RBFOX1: variants seen among roughly 807,000 people sequenced by gnomAD.
The protein encoded by RBFOX1 is RNA binding protein fox-1 homolog 1.
Under a neutral mutation model 57.7 loss-of-function variants are expected in RBFOX1, and 8 were observed. The ratio of observed to expected loss-of-function variants is 0.14; its 90% CI spans 0.08 to 0.25. RBFOX1 has a LOEUF of 0.25. Ranked by LOEUF, RBFOX1 falls within the 10% of genes least tolerant of loss-of-function variation. The probability of loss-of-function intolerance (pLI) is 1.00; values close to 1 mark genes in which losing one functional copy is unlikely to be tolerated. For synonymous variants in RBFOX1, 326 were observed against 222.4 expected (o/e 1.47, Z -4.15); for missense variants, 611 against 548.5 (o/e 1.11, Z -1.14).
chr16:6,852,159 T>G (rs2094107240), intron 3 of RBFOX1, among the ~76,000 whole-genome samples: 1 of 152,122 alleles, frequency 6.6e-6, no homozygotes, highest in Non-Finnish European at 1.5e-5. Context: ...ATGTCTGAAA[T>G]CAGTGTCACT....
At chr16:6,718,335 C>G (rs1214484572) in intron 3 of RBFOX1, among the ~76,000 whole-genome samples, 1 of 152,222 alleles carries the variant, frequency 6.6e-6, no homozygotes, top group Middle Eastern at 3.4e-3. Flanking sequence ...TACACTACAA[C>G]TTGTATATTT....
chr16:6,915,191 C>T (rs1231939057), intron 3 of RBFOX1, among the ~76,000 whole-genome samples: 1 of 152,166 alleles, frequency 6.6e-6, no homozygotes, highest in Non-Finnish European at 1.5e-5. Flanking sequence ...TTTCCCCAGG[C>T]TCCCGGAGAC....
At chr16:5,754,090 G>C (rs1056617522) in intron 3 of RBFOX1, among the ~76,000 whole-genome samples, 2 of 152,174 alleles carry the variant, frequency 1.3e-5, no homozygotes, top group East Asian at 1.9e-4. Context: ...CACTTTGTGG[G>C]AATATTAGGG....
In RBFOX1 at chr16:6,252,508, G is replaced by A. The variant is rs2097624604; in HGVS notation, c.-126-64487G>A. 3.3e-5 allele frequency among the ~76,000 whole-genome samples: 5 copies of A among 151,368 alleles called. No homozygotes were observed. In the South Asian group the frequency reaches 1.0e-3, roughly 32 times the overall value. On this transcript the variant is annotated intron_variant, in intron 1 of 15. Coordinates refer to ENST00000550418, the MANE Select transcript of RBFOX1 (RefSeq NM_018723.4). ...TGGAGATCTGTTCAGTTCTGTAATT[G>A]AGTTGGGAAGTCGACCCGAAGGAAT...
intron 2 of RBFOX1, among the ~76,000 whole-genome samples, chr16:6,393,736 C>G (rs935878074): frequency 6.6e-6 from 1 of 152,162 alleles, no homozygotes; most frequent in Non-Finnish European, 1.5e-5. Flanking sequence ...TAAGGAAAGG[C>G]AAGGCTGTGT....
At chr16:6,083,100 C>G (rs1479918528) in intron 1 of RBFOX1, among the ~76,000 whole-genome samples, 1 of 152,042 alleles carries the variant, frequency 6.6e-6, no homozygotes, top group Non-Finnish European at 1.5e-5. Context: ...CTCCCAGGTT[C>G]AAGCGATTCT....
chr16:6,094,329 A>G (rs1037020735), intron 1 of RBFOX1, among the ~76,000 whole-genome samples: 2 of 152,206 alleles, frequency 1.3e-5, no homozygotes, highest in African/African-American at 2.4e-5. Flanking sequence ...TCTATCAACT[A>G]TTCCATTTCT....
chr16:7,252,933 C>T (rs1328371003), intron 4 of RBFOX1, among the ~76,000 whole-genome samples: 2 of 152,112 alleles, frequency 1.3e-5, no homozygotes, highest in African/African-American at 2.4e-5. Flanking sequence ...TGTGTGTAAT[C>T]ACACACATTT....
intron 14 of RBFOX1, among the ~76,000 whole-genome samples, chr16:7,697,797 TCTTGCTC>T (rs2079265600): frequency 6.6e-6 from 1 of 152,210 alleles, no homozygotes; most frequent in Non-Finnish European, 1.5e-5. Flanking sequence ...CAGTATGCTA[TCTTGCTC>T]CTATGAAACT....
intron 2 of RBFOX1, among the ~76,000 whole-genome samples, chr16:6,337,436 G>T (rs2083921526): frequency 6.6e-6 from 1 of 152,204 alleles, no homozygotes; most frequent in Non-Finnish European, 1.5e-5. Context: ...TCAGATATTT[G>T]CAGGTGAAAG....
At chr16:5,316,751 C>T (rs2064249830) in intron 1 of RBFOX1, among the ~76,000 whole-genome samples, 1 of 152,204 alleles carries the variant, frequency 6.6e-6, no homozygotes, top group African/African-American at 2.4e-5. Flanking sequence ...CATCTCTCTT[C>T]TGCTGAAAGG....
At chr16:6,941,277 C>G (rs1347073717) in intron 3 of RBFOX1, among the ~76,000 whole-genome samples, 5 of 104,186 alleles carry the variant, frequency 4.8e-5, no homozygotes, top group Admixed American at 1.0e-4. Flanking sequence ...CTCTCTCCCT[C>G]CCTTCCCTCC....
At chr16:6,175,954 C>A (rs1402045491) in intron 1 of RBFOX1, among the ~76,000 whole-genome samples, 1 of 152,120 alleles carries the variant, frequency 6.6e-6, no homozygotes, top group Non-Finnish European at 1.5e-5. Context: ...ACTCCACCCC[C>A]AGATATGTTA....
chr16:6,448,379 G>C (rs1380720749), intron 2 of RBFOX1, among the ~76,000 whole-genome samples: 1 of 151,742 alleles, frequency 6.6e-6, no homozygotes, highest in Non-Finnish European at 1.5e-5. Context: ...GGCTGGTCTT[G>C]AACTCGTGAC....
At chr16:5,783,028 C>G (rs971973004) in intron 3 of RBFOX1, among the ~76,000 whole-genome samples, 1 of 152,162 alleles carries the variant, frequency 6.6e-6, no homozygotes, top group African/African-American at 2.4e-5. Context: ...CCCCCAAACA[C>G]CCTCATGGAC....
intron 3 of RBFOX1, among the ~76,000 whole-genome samples, chr16:6,853,818 A>G (rs964943798): frequency 7.9e-5 from 12 of 152,320 alleles, no homozygotes; most frequent in African/African-American, 1.9e-4. Flanking sequence ...TTCCTCCCCA[A>G]CGGATGACTG....
intron 1 of RBFOX1, among the ~76,000 whole-genome samples, chr16:5,307,755 C>A (rs1198235086): frequency 1.3e-5 from 2 of 152,162 alleles, no homozygotes; most frequent in Non-Finnish European, 2.9e-5. Context: ...CTTACGGCAA[C>A]CTCAAAATCC....
At chr16:7,413,589 C>G (rs1222935198) in intron 4 of RBFOX1, among the ~76,000 whole-genome samples, 1 of 152,000 alleles carries the variant, frequency 6.6e-6, no homozygotes, top group Non-Finnish European at 1.5e-5. Context: ...TTGCTGCCAC[C>G]CCCCTGCCCC....
chr16:5,318,186 T>C (rs180762059), intron 1 of RBFOX1, among the ~76,000 whole-genome samples: 2 of 152,186 alleles, frequency 1.3e-5, no homozygotes, highest in Non-Finnish European at 2.9e-5. Flanking sequence ...TGGAGTGCAG[T>C]GACACGATCT....
Sources: allele counts gnomAD v4.1 joint callset (sites outside exome capture counted in the v4.1 genomes callset), GRCh38; gene constraint gnomAD v4.1.1; transcripts MANE v1.5; gene names NCBI Gene and HGNC (gene_info 2026-07-23, HGNC 2026-07-21).